The following SLC9A9 variants were observed in gnomAD, a reference collection of about 807,000 sequenced individuals.
The protein encoded by SLC9A9 is sodium/hydrogen exchanger 9.
In SLC9A9, 62 loss-of-function variants were observed where a neutral mutation model predicts 77.8. The observed-to-expected ratio is 0.80, with a 90% confidence interval of 0.65 to 0.98. SLC9A9 has a LOEUF of 0.98. SLC9A9 is among the 50% of genes least tolerant of loss of function. SLC9A9 has a pLI of 0.00. For missense variants in SLC9A9, 775 were observed against 774.9 expected, an observed-to-expected ratio of 1.00 and a Z score of 0.00; for synonymous variants, 320 against 283.5, an observed-to-expected ratio of 1.13 and a Z score of -1.29.
intron 4 of SLC9A9, among the ~76,000 whole-genome samples, chr3:143,720,771 GC>G (rs1934475899): frequency 6.6e-6 from 1 of 150,534 alleles, no homozygotes; most frequent in African/African-American, 2.5e-5. Flanking sequence ...TGGACAGAGT[GC>G]TGGAAAGTGC....
intron 14 of SLC9A9, among the ~76,000 whole-genome samples, chr3:143,301,787 T>C (rs750740204): frequency 3.9e-5 from 6 of 152,170 alleles, no homozygotes; most frequent in Non-Finnish European, 5.9e-5. Flanking sequence ...TTGGTGTTTT[T>C]CAGTTAGTGT....
chr3:143,279,336 C>G (rs536773209), intron 14 of SLC9A9, among the ~76,000 whole-genome samples: 148 of 152,274 alleles, frequency 9.7e-4, no homozygotes, highest in Non-Finnish European at 1.6e-3. Flanking sequence ...CAATTAGGGT[C>G]CTGCCATAGG....
chr3:143,380,499 T>C (rs1482332543), intron 13 of SLC9A9, among the ~76,000 whole-genome samples: 2 of 152,132 alleles, frequency 1.3e-5, no homozygotes, highest in Non-Finnish European at 2.9e-5. Context: ...TTATTTGACC[T>C]ACACAAGATG....
chr3:143,515,216 T>C (rs527693538), intron 9 of SLC9A9, among the ~76,000 whole-genome samples: 27 of 152,300 alleles, frequency 1.8e-4, no homozygotes, highest in Admixed American at 7.8e-4. Flanking sequence ...ATGAACATGG[T>C]TCATAATGCC....
At chr3:143,791,744 T>A (rs2008231611) in intron 4 of SLC9A9, among the ~76,000 whole-genome samples, 1 of 152,216 alleles carries the variant, frequency 6.6e-6, no homozygotes, top group African/African-American at 2.4e-5. Context: ...ATCTAACTTC[T>A]ATTCTGAATC....
At chr3:143,635,092 A>C (rs1426020481) in intron 6 of SLC9A9, among the ~76,000 whole-genome samples, 1 of 152,156 alleles carries the variant, frequency 6.6e-6, no homozygotes, top group African/African-American at 2.4e-5. Flanking sequence ...CAGTAGGTCC[A>C]GCTCATTTCT....
intron 14 of SLC9A9, among the ~76,000 whole-genome samples, chr3:143,281,135 A>C (rs1370850676): frequency 6.6e-6 from 1 of 152,218 alleles, no homozygotes; most frequent in Non-Finnish European, 1.5e-5. Flanking sequence ...GGAAGCCAGC[A>C]GGCTGACCCT....
At chr3:143,486,792 G>T (rs985433040) in intron 11 of SLC9A9, among the ~76,000 whole-genome samples, 3 of 151,892 alleles carry the variant, frequency 2.0e-5, no homozygotes, top group Admixed American at 1.3e-4. Flanking sequence ...ATATACAAAA[G>T]AAAGGAATAA....
At chr3:143,707,322 A>T (rs1178025195) in intron 4 of SLC9A9, among the ~76,000 whole-genome samples, 1 of 151,834 alleles carries the variant, frequency 6.6e-6, no homozygotes. Flanking sequence ...TTGAGTAACT[A>T]TTCTGTGTCA....
chr3:143,280,903 A>G (rs1559850479), intron 14 of SLC9A9, among the ~76,000 whole-genome samples: 1 of 152,124 alleles, frequency 6.6e-6, no homozygotes, highest in Non-Finnish European at 1.5e-5. Context: ...CATTTTCTCA[A>G]CCACACACAT....
chr3:143,483,536 G>A (rs969301824), intron 11 of SLC9A9, among the ~76,000 whole-genome samples: 1 of 152,154 alleles, frequency 6.6e-6, no homozygotes, highest in Admixed American at 6.5e-5. Context: ...GGGGCCTGAA[G>A]CTTATAAATT....
At chr3:143,730,217 AT>A (rs1345850991) in intron 4 of SLC9A9, among the ~76,000 whole-genome samples, 1 of 152,122 alleles carries the variant, frequency 6.6e-6, no homozygotes, top group Non-Finnish European at 1.5e-5. Flanking sequence ...AAAGCGTGGT[AT>A]TTTGGGGACT....
rs1423917202 is a variant in SLC9A9, at chr3:143,299,436, G to A, written c.1605-30456C>T. On this transcript the variant is annotated intron_variant, in intron 14 of 15. Transcript: ENST00000316549. The stretch of plus-strand genomic sequence containing the variant: ...AGAGCTTGTTAAAAAGCTTGTTGGG[G>A]GGACCTACACATTTTTTTTTTTTTT... 8.5e-5 allele frequency among the ~76,000 whole-genome samples: 13 copies of A among 152,124 alleles called. No homozygotes were observed. In the East Asian group the frequency reaches 2.5e-3, roughly 29 times the overall value.
intron 9 of SLC9A9, among the ~76,000 whole-genome samples, chr3:143,524,628 G>T (rs1490083879): frequency 6.6e-6 from 1 of 152,096 alleles, no homozygotes; most frequent in Non-Finnish European, 1.5e-5. Context: ...CTATCATTAT[G>T]ACTAATTTGT....
At chr3:143,643,594 C>T (rs1209424273) in intron 6 of SLC9A9, among the ~76,000 whole-genome samples, 1 of 152,190 alleles carries the variant, frequency 6.6e-6, no homozygotes, top group Non-Finnish European at 1.5e-5. Context: ...TCTTGTTTCT[C>T]ACACTTGGAG....
intron 2 of SLC9A9, among the ~76,000 whole-genome samples, chr3:143,810,309 C>T (rs931601113): frequency 6.6e-6 from 1 of 152,150 alleles, no homozygotes; most frequent in Admixed American, 6.5e-5. Context: ...TTAAGGAATC[C>T]ATTGACTCAA....
At chr3:143,575,804 A>T (rs2108660028) in intron 7 of SLC9A9, among the ~76,000 whole-genome samples, 1 of 152,284 alleles carries the variant, frequency 6.6e-6, no homozygotes, top group South Asian at 2.1e-4. Context: ...TGCAGAGCTC[A>T]GGGGCCTACA....
chr3:143,843,493 A>G (rs1482128720), intron 1 of SLC9A9, among the ~76,000 whole-genome samples: 1 of 152,238 alleles, frequency 6.6e-6, no homozygotes, highest in African/African-American at 2.4e-5. Context: ...CTTTAATATG[A>G]TATAGTTTAA....
chr3:143,379,775 C>T (rs2033261895), intron 13 of SLC9A9, among the ~76,000 whole-genome samples: 1 of 152,116 alleles, frequency 6.6e-6, no homozygotes, highest in Admixed American at 6.5e-5. Flanking sequence ...TCCCCTTTGG[C>T]CATCAGAAAG....
Sources: gnomAD v4.1 joint callset for allele counts (sites outside exome capture counted in the v4.1 genomes callset) on GRCh38, gnomAD v4.1.1 for gene constraint, MANE v1.5 for transcripts, NCBI Gene and HGNC (gene_info 2026-07-23, HGNC 2026-07-21) for gene names.